DDX17: variants seen among roughly 807,000 people sequenced by gnomAD.
DDX17 encodes the protein DEAD-box helicase 17, also known as probable ATP-dependent RNA helicase DDX17.
A neutral mutation model predicts 80.8 loss-of-function variants in DDX17; 10 were observed. That is an observed-to-expected ratio of 0.12 (90% confidence interval 0.08 to 0.21). The LOEUF (loss-of-function observed/expected upper bound fraction) is 0.21. Among genes scored for constraint, DDX17 ranks in the 10% least tolerant of loss-of-function variants. The pLI, the probability that DDX17 is intolerant of heterozygous loss-of-function variation, is 1.00. For missense variants in DDX17, 586 were observed against 957.4 expected (o/e 0.61, Z 5.12); for synonymous variants, 339 against 336.2 (o/e 1.01, Z -0.09).
intron 3 of DDX17, 49 bp from the exon 4 acceptor site, chr22:38,498,622 A>G (rs1383948155): frequency 1.3e-6 from 2 of 1,592,568 alleles, no homozygotes; most frequent in Admixed American, 1.7e-5. Flanking sequence ...AAAGACACAA[A>G]CCAAGAGTTT....
At position 38,489,322 on chromosome 22, in the gene DDX17, T is replaced by C. The variant is rs2089691739; in HGVS notation, c.1448-1207A>G. ...CGGCCTCCTTTCGAAAACTCCGCCT[T>C]CTGACACGGGACCACTGGAGCGCGG... On this transcript the variant is annotated intron_variant, in intron 11 of 12. Coordinates refer to ENST00000403230, the MANE Select transcript of DDX17 (RefSeq NM_006386.5). This position sits in a 1 kb window ranked among gnomAD's most constrained non-coding sequence, Gnocchi z 4.6. 1.0e-6 allele frequency: 1 copy of C among 985,700 alleles called. No individual in the cohort carries two copies. The highest frequency in any genetic ancestry group is 1.7e-5 in the African/African-American group (1 of 57,208). 61.1% of individuals were successfully genotyped at this position (985,700 alleles called of 1,614,324 possible). A position where few individuals can be genotyped will look rare whatever the true frequency, so the allele number is the denominator to read the frequency against.
At chr22:38,494,512 G>A in intron 8 of DDX17, 118 bp downstream of exon 8, 1 of 867,228 alleles carries the variant, frequency 1.2e-6, no homozygotes, top group African/African-American at 1.7e-5. Context: ...CAGAAACCTA[G>A]CAATGCTTTT....
rs376708916 is a variant in DDX17 at position 38,498,660 on chromosome 22, A to G, written c.539-87T>C. Reference sequence around the variant, plus strand: ...AAAAAAACTTTTAAGCTCACTGAAGATAAGATTTACCCAGCTTCATCTCTC... The same window carrying G: ...AAAAAAACTTTTAAGCTCACTGAAGGTAAGATTTACCCAGCTTCATCTCTC... On this transcript the variant is annotated intron_variant, in intron 3 of 12. Transcript: ENST00000403230. The G allele has an allele frequency of 1.4e-4, 206 of 1,427,060 alleles. No homozygotes were observed. The South Asian group carries it at 1.6e-3, about 11-fold the overall frequency. The allele number at this position is 1,427,060 out of a possible 1,614,324, so 88.4% of individuals were successfully genotyped here.
chr22:38,486,447 G>C lies in DDX17; in HGVS notation c.1685-7C>G. 1 of 1,589,248 alleles carries C rather than the reference G, an allele frequency of 6.3e-7. No homozygotes were observed. Among genetic ancestry groups the C allele is most frequent in the Non-Finnish European group, 8.6e-7 (1 of 1,167,370 alleles). ...CGGTAACGAGAACGACCACCTAATGGGAAGATACAAGAAGATTTTTAATGG... is the reference window on the plus strand; with the variant it reads ...CGGTAACGAGAACGACCACCTAATGCGAAGATACAAGAAGATTTTTAATGG... On this transcript the variant is annotated splice_polypyrimidine_tract_variant and splice_region_variant and intron_variant, in intron 12 of 12. Coordinates refer to ENST00000403230, the MANE Select transcript of DDX17 (RefSeq NM_006386.5).
chr22:38,496,882 AAT>A (rs1399610153), intron 5 of DDX17, among the ~76,000 whole-genome samples: 1 of 152,218 alleles, frequency 6.6e-6, no homozygotes, highest in Non-Finnish European at 1.5e-5. Context: ...GATATCAACT[AAT>A]AATAATGCTG....
intron 11 of DDX17, chr22:38,490,413 G>T: frequency 7.8e-7 from 1 of 1,289,360 alleles, no homozygotes; most frequent in South Asian, 1.2e-5. Flanking sequence ...TGTATTGAGT[G>T]ATCTGCAGCT....
intron 1 of DDX17, among the ~76,000 whole-genome samples, chr22:38,502,331 TG>T (rs1408864891): frequency 6.1e-5 from 9 of 147,996 alleles, no homozygotes; most frequent in Non-Finnish European, 1.2e-4. Context: ...GGAGAACCGC[TG>T]GAACTCGGAA....
intron 2 of DDX17, among the ~76,000 whole-genome samples, chr22:38,500,764 C>A (rs569749342): frequency 2.3e-4 from 31 of 132,326 alleles, no homozygotes; most frequent in Admixed American, 1.3e-3. Context: ...TTGCAGTGAG[C>A]CAAGATCACA....
intron 11 of DDX17, chr22:38,491,831 G>A: frequency 2.2e-6 from 1 of 448,532 alleles, no homozygotes; most frequent in East Asian, 3.9e-5. Context: ...GTTAGGAGCA[G>A]GAAGAGACTT....
rs1254891725 is a variant in DDX17, at chr22:38,499,466, T to C, written c.472A>G (p.Ile158Val). 6.2e-7 allele frequency: 1 copy of C among 1,613,924 alleles called. No homozygotes were observed. The highest frequency in any genetic ancestry group is 8.5e-7 in the Non-Finnish European group (1 of 1,179,938). Reference sequence around the variant, plus strand: ...CAAACATCTCCCCCCCTCACTGTAATCTCCTTCTTTCGGCGTAGCTCATCA... The same window carrying C: ...CAAACATCTCCCCCCCTCACTGTAACCTCCTTCTTTCGGCGTAGCTCATCA... The change falls in exon 3 of 13, where the codon ATT (isoleucine) becomes GTT (valine). Residue 158 changes from isoleucine to valine, a missense_variant. This residue lies in a region of DDX17 where 215 missense variants were observed against 238.4 expected (regional missense o/e 0.90). Transcript: ENST00000403230.
At chr22:38,492,160 TATCTG>T (rs1363718958) in intron 10 of DDX17, 45 bp from the exon 11 acceptor site, 4 of 1,522,088 alleles carry the variant, frequency 2.6e-6, no homozygotes, top group East Asian at 2.3e-5. Context: ...CATTCCTTGC[TATCTG>T]ATCTGTTTAC....
chr22:38,494,652 T>C lies in DDX17; in HGVS notation c.1192A>G (p.Met398Val), dbSNP rs1466642077. The change falls in exon 8 of 13, where the codon ATG (methionine) becomes GTG (valine). Residue 398 changes from methionine to valine, a missense_variant. Physicochemically the swap from Met to Val is conservative, Grantham distance 21 (BLOSUM62 1). This residue lies in a region of DDX17 where 141 missense variants were observed against 379.3 expected (regional missense o/e 0.37). Transcript: ENST00000403230. Reference sequence around the variant, plus strand: ...TACTTGTGGTCTTTTTCACTTTCCATGCAGACATCCACTATCTGGAGGATG... The same window carrying C: ...TACTTGTGGTCTTTTTCACTTTCCACGCAGACATCCACTATCTGGAGGATG... 1.2e-6 allele frequency: 2 copies of C among 1,614,132 alleles called. No individual in the cohort carries two copies. Among genetic ancestry groups the C allele is most frequent in the Admixed American group, 1.7e-5 (1 of 59,996 alleles).
At chr22:38,504,850 G>C (rs774463259) in intron 1 of DDX17, among the ~76,000 whole-genome samples, 1 of 151,914 alleles carries the variant, frequency 6.6e-6, no homozygotes, top group African/African-American at 2.4e-5. Flanking sequence ...CTCACAAAAG[G>C]TAGGATCTTG....
Position 38,484,717 on chromosome 22 carries a change from G to A in DDX17, c.*1218C>T, listed in dbSNP as rs2089637652. On this transcript the variant is annotated 3_prime_UTR_variant, in exon 13 of 13. Coordinates refer to ENST00000403230, the MANE Select transcript of DDX17 (RefSeq NM_006386.5). ...ATGAACTCACCTACCTTCAGATGGA[G>A]GAAAAGTGAAAAGGACTTAGGCTTT... The A allele has an allele frequency of 6.6e-6, 1 of 152,174 alleles. No homozygotes were observed. The highest frequency in any genetic ancestry group is 2.1e-4 in the South Asian group (1 of 4,822). The allele number at this position is 152,174 out of a possible 1,614,324, so 9.4% of individuals were successfully genotyped here.
At chr22:38,496,605 C>T (rs1432577648) in intron 5 of DDX17, among the ~76,000 whole-genome samples, 1 of 152,146 alleles carries the variant, frequency 6.6e-6, no homozygotes. Context: ...CCACTTTGGC[C>T]TCCCAAAGTG....
intron 12 of DDX17, 39 bp from the exon 13 acceptor site, chr22:38,486,479 T>C (rs951392970): frequency 2.6e-6 from 4 of 1,537,820 alleles, no homozygotes; most frequent in Non-Finnish European, 3.5e-6. Flanking sequence ...ATGGCAGATA[T>C]AGGACCTAAA....
intron 3 of DDX17, among the ~76,000 whole-genome samples, chr22:38,498,864 A>G (rs1232533822): frequency 6.6e-6 from 1 of 152,142 alleles, no homozygotes; most frequent in Non-Finnish European, 1.5e-5. Flanking sequence ...AAAAATACAA[A>G]AATTAGCCAG....
In DDX17 at chr22:38,505,944, C is replaced by T. The variant is rs557446011; in HGVS notation, c.287+7G>A. The T allele has an allele frequency of 7.0e-5, 109 of 1,567,008 alleles. 1 individual carries two copies. The South Asian group carries it at 1.2e-3, about 17-fold the overall frequency. On this transcript the variant is annotated splice_region_variant and intron_variant, in intron 1 of 12. Transcript: ENST00000403230. Reference sequence around the variant, plus strand: ...GCCAGGCCTCTCCTCTCCTCCCCCACCCTTACCCTCCACGGTCACGATCCC... The same window carrying T: ...GCCAGGCCTCTCCTCTCCTCCCCCATCCTTACCCTCCACGGTCACGATCCC...
chr22:38,501,133 T>A lies in DDX17; in HGVS notation c.435A>T (p.Thr145=). Reference sequence around the variant, plus strand: ...TAAAACACACATGTAAACTTACTGGTGTCAGCCTTGCTACTTCCGGATGTT... The same window carrying A: ...TAAAACACACATGTAAACTTACTGGAGTCAGCCTTGCTACTTCCGGATGTT... The change falls in exon 2 of 13, where the codon ACA becomes ACT. Residue 145 remains threonine, a synonymous_variant. Coordinates refer to ENST00000403230, the MANE Select transcript of DDX17 (RefSeq NM_006386.5). 1 of 1,613,790 alleles carries A rather than the reference T, an allele frequency of 6.2e-7. No homozygotes were observed. Among genetic ancestry groups the A allele is most frequent in the Non-Finnish European group, 8.5e-7 (1 of 1,179,934 alleles).
Sources: allele counts gnomAD v4.1 joint callset (sites outside exome capture counted in the v4.1 genomes callset), GRCh38; gene constraint gnomAD v4.1.1; regional missense constraint gnomAD v4.1.1; non-coding constraint Gnocchi (gnomAD v3.1); transcripts MANE v1.5; gene names NCBI Gene and HGNC (gene_info 2026-07-23, HGNC 2026-07-21).